The following MARVELD2 variants were observed in gnomAD, a reference collection of about 807,000 sequenced individuals.
MARVELD2 encodes the protein MARVEL domain containing 2.
MARVELD2 carries 49 observed loss-of-function variants against 57.6 expected under a neutral mutation model. The ratio of observed to expected loss-of-function variants is 0.85; its 90% CI spans 0.68 to 1.08. MARVELD2 has a LOEUF of 1.08. MARVELD2 is among the 50% of genes least tolerant of loss of function. The probability of loss-of-function intolerance (pLI) is 0.00; values close to 1 mark genes in which losing one functional copy is unlikely to be tolerated. For missense variants in MARVELD2, 606 were observed against 701.1 expected (o/e 0.86, Z 1.53); for synonymous variants, 238 against 258.8 (o/e 0.92, Z 0.77).
chr5:69,441,743 C>G lies in MARVELD2; in HGVS notation c.*89C>G, dbSNP rs1285031839. The G allele has an allele frequency of 2.1e-6, 2 of 953,940 alleles. No individual in the cohort carries two copies. The highest frequency in any genetic ancestry group is 1.7e-5 in the African/African-American group (1 of 60,294). The allele number at this position is 953,940 out of a possible 1,614,324, so 59.1% of individuals were successfully genotyped here. ...TGTTACCCAGGCTGGAATGCAGTGG[C>G]ACAATCTCGGCTCACTGCAACCTCC... is the stretch of plus-strand genomic sequence containing the variant. On this transcript the variant is annotated 3_prime_UTR_variant, in exon 7 of 7. Transcript: ENST00000325631.
intron 1 of MARVELD2, among the ~76,000 whole-genome samples, chr5:69,416,454 C>T (rs1766426407): frequency 6.6e-6 from 1 of 152,204 alleles, no homozygotes; most frequent in African/African-American, 2.4e-5. Context: ...GTGTGCCTTG[C>T]TTGCCCTCTT....
chr5:69,434,817 C>G (rs1332835937), intron 5 of MARVELD2, among the ~76,000 whole-genome samples: 1 of 150,848 alleles, frequency 6.6e-6, no homozygotes, highest in Admixed American at 6.6e-5. Context: ...CCACCTCGGC[C>G]TCCCAAGTAG....
At chr5:69,421,655 A>G (rs1766629737) in intron 2 of MARVELD2, among the ~76,000 whole-genome samples, 1 of 151,696 alleles carries the variant, frequency 6.6e-6, no homozygotes, top group South Asian at 2.1e-4. Context: ...AGAGATGAGT[A>G]TTTGCCATGT....
At chr5:69,416,053 A>G (rs557849377) in intron 1 of MARVELD2, among the ~76,000 whole-genome samples, 4 of 152,338 alleles carry the variant, frequency 2.6e-5, no homozygotes, top group African/African-American at 9.6e-5. Context: ...TTAAAAATGG[A>G]TAGGGTGGTT....
At chr5:69,439,062 CAAAAAA>C (rs11315832) in intron 5 of MARVELD2, among the ~76,000 whole-genome samples, 4 of 89,268 alleles carry the variant, frequency 4.5e-5, no homozygotes, top group Non-Finnish European at 6.7e-5. Flanking sequence ...GACCCTGTCT[CAAAAAA>C]AAAAAAAAAA....
intron 1 of MARVELD2, among the ~76,000 whole-genome samples, chr5:69,416,383 G>A (rs536631458): frequency 5.3e-5 from 8 of 152,332 alleles, no homozygotes; most frequent in African/African-American, 1.9e-4. Flanking sequence ...AGGTCGGAGT[G>A]CCCTATTAGA....
chr5:69,434,602 G>A (rs929440403), intron 5 of MARVELD2, among the ~76,000 whole-genome samples: 4 of 152,194 alleles, frequency 2.6e-5, no homozygotes, highest in South Asian at 2.1e-4. Flanking sequence ...AAGCTTTTTC[G>A]TAGTGCTCTT....
intron 4 of MARVELD2, 101 bp from the exon 5 acceptor site, chr5:69,432,821 T>C: frequency 1.3e-6 from 2 of 1,544,222 alleles, no homozygotes; most frequent in Non-Finnish European, 9.0e-7. Context: ...ATGTATTGAA[T>C]TGAAGGTACA....
At chr5:69,427,131 TA>T (rs988036191) in intron 3 of MARVELD2, among the ~76,000 whole-genome samples, 11 of 152,352 alleles carry the variant, frequency 7.2e-5, no homozygotes, top group African/African-American at 2.6e-4. Flanking sequence ...ATATAATTTT[TA>T]AAAGCAAATA....
intron 2 of MARVELD2, among the ~76,000 whole-genome samples, chr5:69,421,186 T>C (rs956598124): frequency 6.6e-6 from 1 of 152,090 alleles, no homozygotes; most frequent in Non-Finnish European, 1.5e-5. Flanking sequence ...TGAGAATAAA[T>C]AATAATGAGA....
At chr5:69,432,040 TCA>T (rs1002199662) in intron 3 of MARVELD2, among the ~76,000 whole-genome samples, 1 of 150,988 alleles carries the variant, frequency 6.6e-6, no homozygotes, top group Non-Finnish European at 1.5e-5. Flanking sequence ...AAACAGAGTC[TCA>T]GTCTGTCTCC....
chr5:69,430,196 C>T (rs927865196), intron 3 of MARVELD2, among the ~76,000 whole-genome samples: 5 of 151,916 alleles, frequency 3.3e-5, no homozygotes, highest in Non-Finnish European at 7.4e-5. Context: ...GGTGAAACCC[C>T]ATCTCTACTA....
At chr5:69,427,851 C>T (rs908734519) in intron 3 of MARVELD2, among the ~76,000 whole-genome samples, 7 of 152,208 alleles carry the variant, frequency 4.6e-5, no homozygotes, top group African/African-American at 1.7e-4. Flanking sequence ...GTGGCTCACG[C>T]CTGTAATCCG....
Position 69,417,317 on chromosome 5 carries a change from T to G in MARVELD2, c.-15-2054T>G, listed in dbSNP as rs112500744. 2.5e-3 allele frequency among the ~76,000 whole-genome samples: 384 copies of G among 152,316 alleles called. 5 individuals are homozygous for G. Among genetic ancestry groups the G allele is most frequent in the African/African-American group, 8.9e-3 (370 of 41,568 alleles). On this transcript the variant is annotated intron_variant, in intron 1 of 6. Coordinates refer to ENST00000325631, the MANE Select transcript of MARVELD2 (RefSeq NM_001038603.3). The stretch of plus-strand genomic sequence containing the variant: ...TTCTTTAGCATACTGTATATTTCAT[T>G]TATCTATCATCTGTCAATCTGCCCG...
intron 5 of MARVELD2, among the ~76,000 whole-genome samples, chr5:69,437,381 TAAAAAA>T (rs36086491): frequency 1.0e-4 from 10 of 100,108 alleles, no homozygotes; most frequent in African/African-American, 3.6e-4. Flanking sequence ...AACTCTGTCT[TAAAAAA>T]AAAAAAAAAA....
chr5:69,415,959 T>C (rs1418893046), intron 1 of MARVELD2, among the ~76,000 whole-genome samples: 1 of 152,256 alleles, frequency 6.6e-6, no homozygotes, highest in Non-Finnish European at 1.5e-5. Context: ...ATTTAAGATG[T>C]AATGAAATAC....
At chr5:69,433,961 A>C (rs1767056231) in intron 5 of MARVELD2, among the ~76,000 whole-genome samples, 1 of 151,730 alleles carries the variant, frequency 6.6e-6, no homozygotes, top group Non-Finnish European at 1.5e-5. Flanking sequence ...TTCTTACTTA[A>C]GTAAAATACG....
At chr5:69,424,384 C>T (rs570017896) in intron 2 of MARVELD2, among the ~76,000 whole-genome samples, 1 of 152,258 alleles carries the variant, frequency 6.6e-6, no homozygotes, top group South Asian at 2.1e-4. Flanking sequence ...TTCCCTACTC[C>T]TCTCTATGCC....
chr5:69,419,091 A>C, intron 1 of MARVELD2: 2 of 468,100 alleles, frequency 4.3e-6, no homozygotes. Context: ...ACGCCTGGCT[A>C]GTTTTTGTAT....
Sources: gnomAD v4.1 joint callset for allele counts (sites outside exome capture counted in the v4.1 genomes callset) on GRCh38, gnomAD v4.1.1 for gene constraint, MANE v1.5 for transcripts, NCBI Gene and HGNC (gene_info 2026-07-23, HGNC 2026-07-21) for gene names.